Variants in SSH2 observed in about 807,000 individuals in gnomAD.
SSH2 encodes protein phosphatase Slingshot homolog 2.
Under a neutral mutation model 135.2 loss-of-function variants are expected in SSH2, and 37 were observed. The observed-to-expected ratio is 0.27, with a 90% CI of 0.21 to 0.36. SSH2 has a LOEUF of 0.36. Among genes scored for constraint, SSH2 ranks in the 10% least tolerant of loss-of-function variants. The probability of loss-of-function intolerance (pLI) is 1.00; values close to 1 mark genes in which losing one functional copy is unlikely to be tolerated. For missense variants in SSH2, 1,408 were observed against 1,765.3 expected (o/e 0.80, Z 3.63); for synonymous variants, 628 against 646.2 (o/e 0.97, Z 0.43).
intron 2 of SSH2, among the ~76,000 whole-genome samples, chr17:29,795,020 T>C (rs2042133811): frequency 6.6e-6 from 1 of 152,220 alleles, no homozygotes; most frequent in African/African-American, 2.4e-5. Flanking sequence ...AACTATTAGG[T>C]AGAAGGAGAA....
In SSH2 at chr17:29,675,678, G is replaced by A. The variant is rs556288296; in HGVS notation, c.614+1142C>T. ...TAGCCAGGTGTAGTGGCACATGCCT[G>A]TAGTCATAGCTGCTTAGGAGGCTGA... On this transcript the variant is annotated intron_variant, in intron 8 of 15. Transcript: ENST00000540801. Among the ~76,000 whole-genome samples, 11 of 152,222 alleles carry A rather than the reference G, an allele frequency of 7.2e-5. No homozygotes were observed. In the South Asian group the frequency reaches 2.1e-3, roughly 29 times the overall value.
At chr17:29,735,994 G>C (rs538260235) in intron 3 of SSH2, among the ~76,000 whole-genome samples, 2 of 151,988 alleles carry the variant, frequency 1.3e-5, no homozygotes, top group African/African-American at 2.4e-5. Context: ...CTACCTGTGA[G>C]GCTGAGGCAC....
At chr17:29,661,076 A>G (rs2037017447) in intron 11 of SSH2, among the ~76,000 whole-genome samples, 1 of 148,732 alleles carries the variant, frequency 6.7e-6, no homozygotes, top group Admixed American at 6.6e-5. Context: ...AAAAAAAAAA[A>G]AAAAAAGAAA....
chr17:29,896,321 C>G (rs2066443410), intron 1 of SSH2, among the ~76,000 whole-genome samples: 1 of 77,080 alleles, frequency 1.3e-5, no homozygotes, highest in Admixed American at 1.6e-4. Context: ...TTTATATACA[C>G]ATTTCATGTA....
chr17:29,693,857 C>G (rs1331452347), intron 5 of SSH2, among the ~76,000 whole-genome samples: 1 of 152,174 alleles, frequency 6.6e-6, no homozygotes, highest in Non-Finnish European at 1.5e-5. Context: ...TTCCTCCTCT[C>G]TATTCTGTAT....
chr17:29,775,696 A>C (rs1033618462), intron 3 of SSH2: 6 of 152,302 alleles, frequency 3.9e-5, no homozygotes, highest in African/African-American at 1.4e-4. Context: ...TTCATTTTGT[A>C]GGGTAGGGAC....
intron 9 of SSH2, among the ~76,000 whole-genome samples, chr17:29,668,927 C>T (rs930789333): frequency 6.6e-6 from 1 of 151,960 alleles, no homozygotes; most frequent in Non-Finnish European, 1.5e-5. Context: ...CCTTCTCTTC[C>T]CTGAGCCTCT....
At chr17:29,828,235 T>A (rs1408651790) in intron 2 of SSH2, among the ~76,000 whole-genome samples, 2 of 152,226 alleles carry the variant, frequency 1.3e-5, no homozygotes, top group Non-Finnish European at 2.9e-5. Flanking sequence ...CAAGAAACTT[T>A]TAATTTTTCC....
In SSH2 at chr17:29,734,612, G is replaced by A. The variant is rs151286770; in HGVS notation, c.189-31550C>T. On this transcript the variant is annotated intron_variant, in intron 3 of 15. Transcript: ENST00000540801. The stretch of plus-strand genomic sequence containing the variant: ...GTTAGAAACTCTCCTATTGCCTCTC[G>A]AACTTTTTCTTGAAAGTAACAACCT... Among the ~76,000 whole-genome samples, 9 of 152,152 alleles carry A rather than the reference G, an allele frequency of 5.9e-5. No individual in the cohort carries two copies. The Middle Eastern group carries it at 0.01, about 173-fold the overall frequency.
At chr17:29,868,321 C>T (rs2151418394) in intron 1 of SSH2, among the ~76,000 whole-genome samples, 1 of 152,268 alleles carries the variant, frequency 6.6e-6, no homozygotes, top group Non-Finnish European at 1.5e-5. Flanking sequence ...AGCCCAATTA[C>T]ACATTTTGTC....
intron 2 of SSH2, among the ~76,000 whole-genome samples, chr17:29,798,579 A>G (rs1037787383): frequency 6.6e-6 from 1 of 152,222 alleles, no homozygotes; most frequent in African/African-American, 2.4e-5. Flanking sequence ...TGCATATTAC[A>G]TAACCTCATT....
intron 8 of SSH2, among the ~76,000 whole-genome samples, chr17:29,672,655 T>C (rs1454869636): frequency 6.6e-6 from 1 of 152,192 alleles, no homozygotes; most frequent in Non-Finnish European, 1.5e-5. Flanking sequence ...CCTGCTGCCT[T>C]AGTCTCCTAG....
chr17:29,753,662 G>A lies in SSH2; in HGVS notation c.188+40232C>T, dbSNP rs1435553815. Among the ~76,000 whole-genome samples, 4 of 151,798 alleles carry A rather than the reference G, an allele frequency of 2.6e-5. No individual in the cohort carries two copies. In the East Asian group the frequency reaches 7.9e-4, roughly 30 times the overall value. ...AATACAAAAATTAGCTGGGCGTGGT[G>A]GCGGGCACCTGTAATCCCAGCTACT... On this transcript the variant is annotated intron_variant, in intron 3 of 15. Transcript: ENST00000540801.
At chr17:29,700,404 CT>C (rs1274268334) in intron 4 of SSH2, among the ~76,000 whole-genome samples, 1 of 152,188 alleles carries the variant, frequency 6.6e-6, no homozygotes, top group African/African-American at 2.4e-5. Context: ...GGAGATCTCT[CT>C]CCCTAAGACA....
At chr17:29,746,420 C>T (rs1598925926) in intron 3 of SSH2, among the ~76,000 whole-genome samples, 2 of 151,106 alleles carry the variant, frequency 1.3e-5, no homozygotes, top group African/African-American at 2.4e-5. Flanking sequence ...TGGTGGTGGA[C>T]GCCTGTAATC....
chr17:29,796,808 C>CTT (rs200405675), intron 2 of SSH2, among the ~76,000 whole-genome samples: 3 of 142,878 alleles, frequency 2.1e-5, no homozygotes, highest in Non-Finnish European at 3.1e-5. Flanking sequence ...TTTTTCCTTT[C>CTT]TTTTTTTTTT....
chr17:29,903,873 T>G (rs1411917660), intron 1 of SSH2, among the ~76,000 whole-genome samples: 4 of 152,146 alleles, frequency 2.6e-5, no homozygotes, highest in African/African-American at 9.6e-5. Context: ...AAAAAGGAGC[T>G]CCAAAGATGC....
intron 4 of SSH2, among the ~76,000 whole-genome samples, chr17:29,698,311 T>C (rs761275003): frequency 3.3e-5 from 5 of 152,132 alleles, no homozygotes; most frequent in Non-Finnish European, 7.4e-5. Context: ...AACCAATGCA[T>C]GTACACTTTA....
chr17:29,724,793 T>C (rs893059165), intron 3 of SSH2, among the ~76,000 whole-genome samples: 5 of 151,000 alleles, frequency 3.3e-5, no homozygotes, highest in Non-Finnish European at 5.9e-5. Flanking sequence ...TTTCACCATG[T>C]TGCCCAGGCT....
Sources: gnomAD v4.1 joint callset for allele counts (sites outside exome capture counted in the v4.1 genomes callset) on GRCh38, gnomAD v4.1.1 for gene constraint, MANE v1.5 for transcripts, NCBI Gene and HGNC (gene_info 2026-07-23, HGNC 2026-07-21) for gene names.